The following POLR2F variants were observed in gnomAD, a reference collection of about 807,000 sequenced individuals.
POLR2F encodes RNA polymerase II, I and III subunit F.
In POLR2F, 12 loss-of-function variants were observed where a neutral mutation model predicts 22.7. The observed-to-expected ratio is 0.53, with a 90% CI of 0.34 to 0.86. The LOEUF is 0.86. Ranked by LOEUF, POLR2F falls within the 40% of genes least tolerant of loss-of-function variation. The probability of loss-of-function intolerance (pLI) is 0.02; values close to 1 mark genes in which losing one functional copy is unlikely to be tolerated. For missense variants in POLR2F, 126 were observed against 171.5 expected (o/e 0.73, Z 1.48); for synonymous variants, 57 against 66.0 (o/e 0.86, Z 0.66).
chr22:37,972,165 G>A, downstream of POLR2F: 1 of 811,616 alleles, frequency 1.2e-6, no homozygotes, highest in Non-Finnish European at 1.8e-6. Context: ...AAGGGGGTGG[G>A]GAAAGAGGGA....
In POLR2F at chr22:37,964,110, T is replaced by TA. The variant is rs112506177; in HGVS notation, c.222-2974dup. 2.4e-3 allele frequency among the ~76,000 whole-genome samples: 333 copies of TA among 140,180 alleles called. 2 individuals are homozygous for TA. The highest frequency in any genetic ancestry group is 5.5e-3 in the Admixed American group (77 of 13,960). The allele number at this position is 140,180 out of a possible 152,430, so 92.0% of individuals were successfully genotyped here. ...GTGAGACTCTGTTACCAAAAATAAT[T>TA]AAAAAAAAAAAAAAAGACATAATCC... On this transcript the variant is annotated intron_variant, in intron 3 of 4. Coordinates refer to ENST00000442738, the MANE Select transcript of POLR2F (RefSeq NM_021974.5).
At chr22:37,954,144 A>G (rs1268406537) in intron 1 of POLR2F, among the ~76,000 whole-genome samples, 3 of 152,066 alleles carry the variant, frequency 2.0e-5, no homozygotes, top group Non-Finnish European at 2.9e-5. Flanking sequence ...CTTTCTAGAA[A>G]AGGGGTCACA....
At chr22:38,025,584 T>C (rs755868284) in intron 1 of POLR2F, 1 of 1,508,450 alleles carries the variant, frequency 6.6e-7, no homozygotes. Context: ...TCCAGACTTC[T>C]CTGGGGGCTG....
chr22:37,998,144 T>TC (rs2084733880), intron 1 of POLR2F, among the ~76,000 whole-genome samples: 2 of 152,144 alleles, frequency 1.3e-5, no homozygotes, highest in Non-Finnish European at 2.9e-5. Context: ...TCTAAGCCTT[T>TC]CCTTCCCGCC....
In POLR2F at chr22:38,017,485, G is replaced by A. The variant is rs545860955; in HGVS notation, c.121-8384G>A. The stretch of plus-strand genomic sequence containing the variant: ...TCTGCCAAGGGCTCCCAAGTTGTTC[G>A]CCATCTCTGGGCCTGTGGGTGTCTC... On this transcript the variant is annotated intron_variant, in intron 1 of 2. Transcript: ENST00000333418. This position sits in a 1 kb window ranked among gnomAD's most constrained non-coding sequence, Gnocchi z 4.1. Among the ~76,000 whole-genome samples, 10 of 152,236 alleles carry A rather than the reference G, an allele frequency of 6.6e-5. No homozygotes were observed. The highest frequency in any genetic ancestry group is 4.1e-4 in the South Asian group (2 of 4,820).
chr22:38,003,623 C>A (rs929772723), intron 1 of POLR2F, among the ~76,000 whole-genome samples: 8 of 151,824 alleles, frequency 5.3e-5, no homozygotes, highest in Admixed American at 4.6e-4. Flanking sequence ...CTTGTCACCA[C>A]TGGAGTGCAG....
chr22:37,987,223 T>C (rs1219068456), intron 1 of POLR2F: 5 of 456,596 alleles, frequency 1.1e-5, no homozygotes, highest in African/African-American at 2.0e-5. Context: ...CTTCCTTCCA[T>C]GGCCCAAGGA....
At chr22:37,998,984 A>T (rs1227134851) in intron 1 of POLR2F, among the ~76,000 whole-genome samples, 2 of 151,308 alleles carry the variant, frequency 1.3e-5, no homozygotes, top group Non-Finnish European at 3.0e-5. Context: ...TTCACCACAG[A>T]TGCGCCCCCG....
chr22:37,987,489 A>C (rs5741849), intron 1 of POLR2F: 7,236 of 356,706 alleles, frequency 0.02, 506 homozygotes, highest in African/African-American at 0.14. Flanking sequence ...GTGTTCCCCC[A>C]CTGGGTCCCT....
intron 3 of POLR2F, 100 bp from the exon 4 acceptor site, chr22:37,966,999 G>A (rs541145227): frequency 1.4e-5 from 11 of 792,556 alleles, no homozygotes; most frequent in Admixed American, 5.0e-5. Flanking sequence ...AGAAGATGAC[G>A]TTTCTAGGTG....
At chr22:38,041,047 T>C (rs752033183) in intron 5 of POLR2F, 12 of 1,612,768 alleles carry the variant, frequency 7.4e-6, no homozygotes, top group East Asian at 2.2e-5. Flanking sequence ...GCACCGTAGT[T>C]ATCCCTGTGT....
chr22:38,041,052 C>T (rs1348018787), intron 5 of POLR2F: 10 of 1,612,736 alleles, frequency 6.2e-6, no homozygotes, highest in Admixed American at 1.7e-5. Flanking sequence ...GTAGTTATCC[C>T]TGTGTTATTT....
intron 1 of POLR2F, among the ~76,000 whole-genome samples, chr22:37,954,782 G>A (rs962076066): frequency 1.3e-5 from 2 of 152,172 alleles, no homozygotes; most frequent in African/African-American, 2.4e-5. Flanking sequence ...AGAAACGTGT[G>A]GGATTGCTAC....
chr22:38,016,189 C>A lies in POLR2F; in HGVS notation c.121-9680C>A, dbSNP rs1194697703. On this transcript the variant is annotated intron_variant, in intron 1 of 2. Coordinates refer to the POLR2F transcript ENST00000333418. This position sits in a 1 kb window ranked among gnomAD's most constrained non-coding sequence, Gnocchi z 4.4. The stretch of plus-strand genomic sequence containing the variant: ...CTGGGGCATCAGCGAATCTGTTTTG[C>A]CCTGAAAGGCACAGCTGGGCCAAAG... 2.0e-5 allele frequency among the ~76,000 whole-genome samples: 3 copies of A among 152,214 alleles called. No homozygotes were observed. Among genetic ancestry groups the A allele is most frequent in the African/African-American group, 7.2e-5 (3 of 41,452 alleles).
intron 1 of POLR2F, among the ~76,000 whole-genome samples, chr22:38,000,468 C>T (rs540452571): frequency 4.6e-5 from 7 of 152,156 alleles, no homozygotes; most frequent in African/African-American, 2.4e-5. Context: ...AGAGGACACA[C>T]GGAGAAAGAA....
downstream of POLR2F, among the ~76,000 whole-genome samples, chr22:38,028,519 T>C (rs1217023611): frequency 6.6e-6 from 1 of 152,020 alleles, no homozygotes; most frequent in African/African-American, 2.4e-5. Flanking sequence ...CGTACGTGTG[T>C]GTGCATGTGT....
downstream of POLR2F, among the ~76,000 whole-genome samples, chr22:38,028,524 ATG>A (rs908422813): frequency 1.8e-4 from 27 of 151,526 alleles, no homozygotes; most frequent in East Asian, 7.8e-4. Flanking sequence ...GTGTGTGTGC[ATG>A]TGTGTGTGCG....
upstream of POLR2F, chr22:37,983,263 C>T (rs1322891041): frequency 2.8e-6 from 4 of 1,404,204 alleles, no homozygotes; most frequent in Non-Finnish European, 3.9e-6. The surrounding 1 kb of genome is among the most constrained non-coding windows in gnomAD (Gnocchi z 9.5). Context: ...GCCAGACAGT[C>T]CCGCTCTGAG....
At chr22:37,995,829 T>C (rs1009941363) in intron 1 of POLR2F, among the ~76,000 whole-genome samples, 11 of 145,088 alleles carry the variant, frequency 7.6e-5, no homozygotes, top group African/African-American at 1.3e-4. Flanking sequence ...CCATCTCTAC[T>C]AAAAATTAAA....
Sources: gnomAD v4.1 joint callset for allele counts (sites outside exome capture counted in the v4.1 genomes callset) on GRCh38, gnomAD v4.1.1 for gene constraint, Gnocchi (gnomAD v3.1) non-coding constraint, MANE v1.5 for transcripts, NCBI Gene and HGNC (gene_info 2026-07-23, HGNC 2026-07-21) for gene names.